Variants in LAMA2 observed in about 807,000 individuals in gnomAD.
LAMA2 encodes laminin subunit alpha-2.
Under a neutral mutation model 364.8 loss-of-function variants are expected in LAMA2, and 269 were observed. The observed-to-expected ratio is 0.74, with a 90% CI of 0.67 to 0.82. The LOEUF is 0.82. Among genes scored for constraint, LAMA2 ranks in the 40% least tolerant of loss-of-function variants. The probability of loss-of-function intolerance (pLI) is 0.00; values close to 1 mark genes in which losing one functional copy is unlikely to be tolerated. For missense variants in LAMA2, 3,807 were observed against 3,873.2 expected, an observed-to-expected ratio of 0.98 and a Z score of 0.45; for synonymous variants, 1,379 against 1,370.6, an observed-to-expected ratio of 1.01 and a Z score of -0.14.
chr6:129,013,209 G>A (rs1411881779), intron 1 of LAMA2, among the ~76,000 whole-genome samples: 1 of 152,206 alleles, frequency 6.6e-6, no homozygotes, highest in Non-Finnish European at 1.5e-5. Context: ...GCTGAGGCGG[G>A]CGGATCACGA....
intron 29 of LAMA2, among the ~76,000 whole-genome samples, chr6:129,338,109 A>C (rs560816226): frequency 6.6e-6 from 1 of 152,196 alleles, no homozygotes; most frequent in Non-Finnish European, 1.5e-5. Context: ...GAAATTATGT[A>C]GACTTACAGG....
At chr6:129,226,668 C>T (rs1476538537) in intron 12 of LAMA2, among the ~76,000 whole-genome samples, 1 of 152,002 alleles carries the variant, frequency 6.6e-6, no homozygotes, top group Non-Finnish European at 1.5e-5. Context: ...CCCCCACTCT[C>T]TTCCGGCTTG....
At chr6:129,482,856 C>T (rs780917553) in intron 55 of LAMA2, among the ~76,000 whole-genome samples, 2 of 151,998 alleles carry the variant, frequency 1.3e-5, no homozygotes, top group South Asian at 2.1e-4. Flanking sequence ...GTCAGGATTT[C>T]GAGACCAGCC....
chr6:129,366,708 A>G (rs531720087), intron 33 of LAMA2, among the ~76,000 whole-genome samples: 1 of 152,338 alleles, frequency 6.6e-6, no homozygotes, highest in South Asian at 2.1e-4. Context: ...TAAAATTCAA[A>G]TTAAAAACAT....
intron 17 of LAMA2, among the ~76,000 whole-genome samples, chr6:129,271,027 A>G (rs1039776080): frequency 2.0e-5 from 3 of 152,144 alleles, no homozygotes; most frequent in Admixed American, 1.3e-4. Flanking sequence ...AAGAACATAA[A>G]TATTTTATAC....
chr6:129,020,930 A>G (rs1015256593), intron 1 of LAMA2, among the ~76,000 whole-genome samples: 4 of 152,216 alleles, frequency 2.6e-5, no homozygotes, highest in Non-Finnish European at 5.9e-5. Flanking sequence ...CTGAGCCCTA[A>G]CAGCCACAAA....
intron 55 of LAMA2, among the ~76,000 whole-genome samples, chr6:129,484,062 C>T (rs1449509053): frequency 6.6e-6 from 1 of 152,136 alleles, no homozygotes; most frequent in Non-Finnish European, 1.5e-5. Context: ...GGGAAAAGAA[C>T]ACTTGATTGA....
In LAMA2 at chr6:129,177,780, A is replaced by C. The variant is rs553518581; in HGVS notation, c.1381A>C (p.Thr461Pro). Reference protein sequence around the residue: ...VSCDRCARGYTGYPDCKACNC... With the variant: ...VSCDRCARGYPGYPDCKACNC... Reference sequence around the variant, plus strand: ...CTGTGATCGGTGTGCCAGGGGCTACACTGGCTACCCGGACTGCAAAGCCTG... The same window carrying C: ...CTGTGATCGGTGTGCCAGGGGCTACCCTGGCTACCCGGACTGCAAAGCCTG... The change falls in exon 10 of 65, where the codon ACT becomes CCT. Residue 461 changes from threonine (T) to proline (P), a missense_variant. Around this residue, in one of 3 missense-constraint regions of LAMA2, gnomAD observed 3,333 missense variants for 3,345.7 expected, o/e 1.00. Coordinates refer to ENST00000421865, the MANE Select transcript of LAMA2 (RefSeq NM_000426.4). 1.2e-6 allele frequency: 2 copies of C among 1,613,980 alleles called. No individual in the cohort carries two copies. Among genetic ancestry groups the C allele is most frequent in the East Asian group, 2.2e-5 (1 of 44,864 alleles).
At chr6:129,199,495 G>A (rs974986895) in intron 12 of LAMA2, among the ~76,000 whole-genome samples, 7 of 152,112 alleles carry the variant, frequency 4.6e-5, no homozygotes, top group Admixed American at 1.3e-4. Context: ...TGTGGACAGT[G>A]CAGTAGATAG....
Position 129,361,468 on chromosome 6 carries a change from A to G in LAMA2, c.4718-4751A>G, listed in dbSNP as rs531114871. ...ACTCTCATGATTCTGTAGGTTGGCA[A>G]TTTGGGCTGAGCTCAGTTGGACAGA... On this transcript the variant is annotated intron_variant, in intron 32 of 64. Coordinates refer to ENST00000421865, the MANE Select transcript of LAMA2 (RefSeq NM_000426.4). Among the ~76,000 whole-genome samples the G allele has an allele frequency of 2.9e-4, 44 of 152,350 alleles. 1 individual carries two copies. In the South Asian group the frequency reaches 9.1e-3, roughly 32 times the overall value.
chr6:129,315,831 A>G lies in LAMA2; in HGVS notation c.3805A>G (p.Thr1269Ala). The G allele has an allele frequency of 6.2e-7, 1 of 1,614,062 alleles. No individual in the cohort carries two copies. Among genetic ancestry groups the G allele is most frequent in the South Asian group, 1.1e-5 (1 of 91,088 alleles). ...GGCTCGGGAAGAAACAGGTTTCTCT[A>G]CATATAATCCTCAAGTGATCATTCG... ...FEAREETGFS[T>A]YNPQVIIRGG... The change falls in exon 26 of 65, where the codon ACA becomes GCA. Residue 1269 changes from threonine (T) to alanine (A), a missense_variant. Transcript: ENST00000421865.
intron 46 of LAMA2, among the ~76,000 whole-genome samples, 174 bp from the exon 47 acceptor site, chr6:129,453,981 A>C (rs1254828172): frequency 6.6e-6 from 1 of 150,824 alleles, no homozygotes; most frequent in African/African-American, 2.4e-5. Flanking sequence ...TAAAAATAAA[A>C]TATTATTTTA....
chr6:129,145,380 G>T (rs572313771), intron 5 of LAMA2, among the ~76,000 whole-genome samples: 24 of 151,990 alleles, frequency 1.6e-4, no homozygotes, highest in African/African-American at 5.8e-4. Flanking sequence ...ATTTCCCCTT[G>T]TATTATACCT....
intron 1 of LAMA2, among the ~76,000 whole-genome samples, chr6:129,045,190 A>C (rs1787390908): frequency 6.6e-6 from 1 of 152,188 alleles, no homozygotes; most frequent in African/African-American, 2.4e-5. Context: ...AAGGCAATTA[A>C]ATTGTGCAAA....
At chr6:129,040,711 C>T (rs1562179079) in intron 1 of LAMA2, among the ~76,000 whole-genome samples, 1 of 152,150 alleles carries the variant, frequency 6.6e-6, no homozygotes, top group East Asian at 1.9e-4. Context: ...CTTCAGGAGG[C>T]AGAAGAAGGC....
chr6:129,041,156 T>C (rs1306964754), intron 1 of LAMA2, among the ~76,000 whole-genome samples: 1 of 152,210 alleles, frequency 6.6e-6, no homozygotes, highest in African/African-American at 2.4e-5. Flanking sequence ...GACAACAACC[T>C]TCTTCTTCAT....
At chr6:129,484,251 G>T (rs1314119595) in intron 55 of LAMA2, among the ~76,000 whole-genome samples, 1 of 152,168 alleles carries the variant, frequency 6.6e-6, no homozygotes, top group Non-Finnish European at 1.5e-5. Flanking sequence ...AAACCATACT[G>T]GTTGTTATAG....
intron 1 of LAMA2, among the ~76,000 whole-genome samples, chr6:128,980,143 G>T (rs1416716933): frequency 6.6e-6 from 1 of 152,156 alleles, no homozygotes; most frequent in African/African-American, 2.4e-5. Flanking sequence ...AGTGTAGCTG[G>T]TGGCCATGAG....
chr6:129,071,944 G>A (rs530929849), intron 3 of LAMA2, among the ~76,000 whole-genome samples: 1 of 151,288 alleles, frequency 6.6e-6, no homozygotes, highest in African/African-American at 2.5e-5. Context: ...TGTGGGCAAC[G>A]TGGTGAAACC....
Sources: gnomAD v4.1 joint callset for allele counts (sites outside exome capture counted in the v4.1 genomes callset) on GRCh38, gnomAD v4.1.1 for gene constraint, gnomAD v4.1.1 regional missense constraint, MANE v1.5 for transcripts, NCBI Gene and HGNC (gene_info 2026-07-23, HGNC 2026-07-21) for gene names.